The following GAS1 variants were observed in gnomAD, a reference collection of about 807,000 sequenced individuals.
GAS1 encodes the protein growth arrest-specific protein 1.
A neutral mutation model predicts 21.6 loss-of-function variants in GAS1; 10 were observed. The ratio of observed to expected loss-of-function variants is 0.46; its 90% CI spans 0.29 to 0.79. The LOEUF (loss-of-function observed/expected upper bound fraction) is 0.79. GAS1 is among the 30% of genes least tolerant of loss of function. The pLI, the probability that GAS1 is intolerant of heterozygous loss-of-function variation, is 0.10. For missense variants in GAS1, 567 were observed against 544.3 expected, an observed-to-expected ratio of 1.04 and a Z score of -0.42; for synonymous variants, 332 against 264.0, an observed-to-expected ratio of 1.26 and a Z score of -2.50.
chr9:86,946,538 C>A lies in GAS1; in HGVS notation c.242G>T (p.Gly81Val). 2 of 1,409,972 alleles carry A rather than the reference C, an allele frequency of 1.4e-6. No homozygotes were observed. The highest frequency in any genetic ancestry group is 1.8e-6 in the Non-Finnish European group (2 of 1,085,676). 87.3% of individuals were successfully genotyped at this position (1,409,972 alleles called of 1,614,324 possible). A position where few individuals can be genotyped will look rare whatever the true frequency, so the allele number is the denominator to read the frequency against. The change falls in exon 1 of 1, where the codon GGG becomes GTG. Residue 81 changes from glycine (G) to valine (V), a missense_variant. Transcript: ENST00000298743. The surrounding 1 kb of genome is among the most constrained non-coding windows in gnomAD (Gnocchi z 5.2). ...GGCGGCGGCCCCGGGCGCGTCGCCC[C>A]CGCCGTGCTGCGCCAGCACCGGCGC... The part of the protein sequence containing the change: ...ACAPVLAQHG[G>V]GDAPGAAAAA...
At position 86,945,917 on chromosome 9, in the gene GAS1, T is replaced by C. The variant is rs1472763904; in HGVS notation, c.863A>G (p.Asp288Gly). ...CGGGCGCGGTGGGTGCGGGACGCCG[T>C]CGTCGTCGTCCAGCGGCTGCTCACC... Reference protein sequence around the residue: ...AGGEQPLDDDDGVPHPPRPGS... With the variant: ...AGGEQPLDDDGGVPHPPRPGS... Residue 288 changes from aspartate (D) to glycine (G), a missense_variant, in exon 1 of 1, where the codon GAC becomes GGC. Transcript: ENST00000298743. 1.5e-5 allele frequency: 24 copies of C among 1,561,446 alleles called. No individual in the cohort carries two copies. Among genetic ancestry groups the C allele is most frequent in the Admixed American group, 3.7e-5 (2 of 53,910 alleles).
rs1825497777 is a variant in GAS1, at chr9:86,946,610, C to G, written c.170G>C (p.Gly57Ala). The G allele has an allele frequency of 2.1e-6, 3 of 1,451,538 alleles. No homozygotes were observed. The highest frequency in any genetic ancestry group is 9.1e-7 in the Non-Finnish European group (1 of 1,104,580). The allele number at this position is 1,451,538 out of a possible 1,614,324, so 89.9% of individuals were successfully genotyped here. A position where few individuals can be genotyped will look rare whatever the true frequency, so the allele number is the denominator to read the frequency against. Residue 57 changes from glycine (G) to alanine (A), a missense_variant, in exon 1 of 1, where the codon GGG (glycine) becomes GCG (alanine). By Grantham distance (60) the Gly-to-Ala change is moderately conservative. Transcript: ENST00000298743. The surrounding 1 kb of genome is among the most constrained non-coding windows in gnomAD (Gnocchi z 5.2). ...ICWQALLQCQ[G>A]EPECSYAYNQ... Reference sequence around the variant, plus strand: ...GTAGGCGTAGCTGCACTCCGGCTCCCCCTGGCACTGCAGCAGCGCCTGCCA... The same window carrying G: ...GTAGGCGTAGCTGCACTCCGGCTCCGCCTGGCACTGCAGCAGCGCCTGCCA...
Position 86,946,734 on chromosome 9 carries a change from T to C in GAS1, c.46A>G (p.Thr16Ala). The C allele has an allele frequency of 2.3e-6, 3 of 1,292,214 alleles. No individual in the cohort carries two copies. Among genetic ancestry groups the C allele is most frequent in the Non-Finnish European group, 3.0e-6 (3 of 999,108 alleles). 80.0% of individuals were successfully genotyped at this position (1,292,214 alleles called of 1,614,324 possible). A position where few individuals can be genotyped will look rare whatever the true frequency, so the allele number is the denominator to read the frequency against. The change falls in exon 1 of 1, where the codon ACA (threonine) becomes GCA (alanine). Residue 16 changes from threonine to alanine, a missense_variant. Transcript: ENST00000298743. The surrounding 1 kb of genome is among the most constrained non-coding windows in gnomAD (Gnocchi z 5.2). ...LGGGGEARGG[T>A]VPGAWLCLMA... ...AGGCACAGCCAGGCGCCCGGCACTG[T>C]CCCCCCGCGGGCCTCGCCGCCGCCG...
Position 86,945,794 on chromosome 9 carries a change from G to T in GAS1, c.986C>A (p.Ala329Asp). Reference sequence around the variant, plus strand: ...CAAGATGGAGGCGAGTGGGGTCCAGGCGCCCCGGGGCGCCAAGCGGCCGCC... The same window carrying T: ...CAAGATGGAGGCGAGTGGGGTCCAGTCGCCCCGGGGCGCCAAGCGGCCGCC... ...GGGGRLAPRG[A>D]WTPLASILLL... Residue 329 changes from alanine to aspartate, a missense_variant, in exon 1 of 1, where the codon GCC becomes GAC. Ala to Asp is a moderately radical substitution (Grantham distance 126). Coordinates refer to ENST00000298743, the MANE Select transcript of GAS1 (RefSeq NM_002048.3). 1.3e-6 allele frequency: 2 copies of T among 1,517,418 alleles called. No individual in the cohort carries two copies. Among genetic ancestry groups the T allele is most frequent in the Non-Finnish European group, 1.8e-6 (2 of 1,133,530 alleles). The allele number at this position is 1,517,418 out of a possible 1,614,324, so 94.0% of individuals were successfully genotyped here. A position where few individuals can be genotyped will look rare whatever the true frequency, so the allele number is the denominator to read the frequency against.
chr9:86,944,749 A>G lies in GAS1; in HGVS notation c.*993T>C, dbSNP rs1322605379. The G allele has an allele frequency of 6.6e-6, 1 of 152,196 alleles. No homozygotes were observed. The highest frequency in any genetic ancestry group is 1.5e-5 in the Non-Finnish European group (1 of 68,042). 9.4% of individuals were successfully genotyped at this position (152,196 alleles called of 1,614,324 possible). Reference sequence around the variant, plus strand: ...AAAATAAATTATTTCTGAAGCATACAATTTATAAAAATTCTATATACAAAG... The same window carrying G: ...AAAATAAATTATTTCTGAAGCATACGATTTATAAAAATTCTATATACAAAG... On this transcript the variant is annotated 3_prime_UTR_variant, in exon 1 of 1. Transcript: ENST00000298743.
chr9:86,946,499 G>A lies in GAS1; in HGVS notation c.281C>T (p.Ala94Val), dbSNP rs888648250. 1 of 1,443,952 alleles carries A rather than the reference G, an allele frequency of 6.9e-7. No individual in the cohort carries two copies. Among genetic ancestry groups the A allele is most frequent in the Non-Finnish European group, 9.1e-7 (1 of 1,099,940 alleles). 89.4% of individuals were successfully genotyped at this position (1,443,952 alleles called of 1,614,324 possible). A position where few individuals can be genotyped will look rare whatever the true frequency, so the allele number is the denominator to read the frequency against. The change falls in exon 1 of 1, where the codon GCC becomes GTC. Residue 94 changes from alanine to valine, a missense_variant. Ala to Val is a moderately conservative substitution (Grantham distance 64). Transcript: ENST00000298743. The surrounding 1 kb of genome is among the most constrained non-coding windows in gnomAD (Gnocchi z 5.2). ...APGAAAAAFP[A>V]SAASFSSRWR... ...GCGCGACGAGAAAGAGGCGGCCGAG[G>A]CCGGGAAAGCGGCGGCGGCGGCCCC...
Position 86,946,039 on chromosome 9 carries a change from C to T in GAS1, c.741G>A (p.Glu247=), listed in dbSNP as rs150545553. Residue 247 remains glutamate, a synonymous_variant, in exon 1 of 1, where the codon GAG becomes GAA. Coordinates refer to ENST00000298743, the MANE Select transcript of GAS1 (RefSeq NM_002048.3). This position sits in a 1 kb window ranked among gnomAD's most constrained non-coding sequence, Gnocchi z 5.2. ...ENMARLCFGA[E]LGNGPGSSGS... is the part of the protein sequence containing the mutation. Reference sequence around the variant, plus strand: ...CGCTGCTGCCGGGGCCGTTGCCCAGCTCGGCGCCGAAGCACAGGCGGGCCA... The same window carrying T: ...CGCTGCTGCCGGGGCCGTTGCCCAGTTCGGCGCCGAAGCACAGGCGGGCCA... 4.4e-3 allele frequency: 7,150 copies of T among 1,607,774 alleles called. 28 individuals are homozygous for T. The highest frequency in any genetic ancestry group is 4.7e-3 in the Non-Finnish European group (5,599 of 1,179,454).
Position 86,946,327 on chromosome 9 carries a change from G to T in GAS1, c.453C>A (p.Ser151Arg). ...RAIEPCLPRT[S>R]GGGAGGPGAG... Reference sequence around the variant, plus strand: ...CGCCGGGGCCGCCCGCGCCGCCGCCGCTCGTCCGGGGCAGGCACGGCTCAA... The same window carrying T: ...CGCCGGGGCCGCCCGCGCCGCCGCCTCTCGTCCGGGGCAGGCACGGCTCAA... Residue 151 changes from serine to arginine, a missense_variant, in exon 1 of 1, where the codon AGC becomes AGA. Ser to Arg is a moderately radical substitution (Grantham distance 110). Coordinates refer to ENST00000298743, the MANE Select transcript of GAS1 (RefSeq NM_002048.3). The surrounding 1 kb of genome is among the most constrained non-coding windows in gnomAD (Gnocchi z 5.2). 1 of 1,416,394 alleles carries T rather than the reference G, an allele frequency of 7.1e-7. No individual in the cohort carries two copies. The allele number at this position is 1,416,394 out of a possible 1,614,324, so 87.7% of individuals were successfully genotyped here. A position where few individuals can be genotyped will look rare whatever the true frequency, so the allele number is the denominator to read the frequency against.
Position 86,946,768 on chromosome 9 carries a change from C to T in GAS1, c.12G>A (p.Ala4=). 1.8e-6 allele frequency: 2 copies of T among 1,088,052 alleles called. No homozygotes were observed. The highest frequency in any genetic ancestry group is 2.4e-6 in the Non-Finnish European group (2 of 823,418). The allele number at this position is 1,088,052 out of a possible 1,614,324, so 67.4% of individuals were successfully genotyped here. A position where few individuals can be genotyped will look rare whatever the true frequency, so the allele number is the denominator to read the frequency against. Residue 4 remains alanine, a synonymous_variant, in exon 1 of 1, where the codon GCG becomes GCA. Transcript: ENST00000298743. The surrounding 1 kb of genome is among the most constrained non-coding windows in gnomAD (Gnocchi z 5.2). ...GGGCCTCGCCGCCGCCGCCCAGCAG[C>T]GCGGCCACCATCGCGGGCAGCGGCG... MVA[A]LLGGGGEARG... is the part of the protein sequence containing the mutation.
At position 86,946,078 on chromosome 9, in the gene GAS1, C is replaced by T. The variant is rs1359042760; in HGVS notation, c.702G>A (p.Ser234=). 1.2e-6 allele frequency: 2 copies of T among 1,607,712 alleles called. No individual in the cohort carries two copies. The highest frequency in any genetic ancestry group is 1.7e-6 in the Non-Finnish European group (2 of 1,179,576). ...ACAGGCGGGCCATGTTCTCCTTGAC[C>T]GACTCGCAGATGGGCCGCTCGAGGC... is the stretch of plus-strand genomic sequence containing the variant. ...CDGLERPICE[S]VKENMARLCF... is the part of the protein sequence containing the mutation. The change falls in exon 1 of 1, where the codon TCG becomes TCA. Residue 234 remains serine (S), a synonymous_variant. Coordinates refer to ENST00000298743, the MANE Select transcript of GAS1 (RefSeq NM_002048.3). This position sits in a 1 kb window ranked among gnomAD's most constrained non-coding sequence, Gnocchi z 5.2.
In GAS1 at chr9:86,946,178, T is replaced by A. The variant is rs994346671; in HGVS notation, c.602A>T (p.Asp201Val). The A allele has an allele frequency of 1.9e-6, 3 of 1,606,310 alleles. No individual in the cohort carries two copies. The African/African-American group carries it at 4.0e-5, about 21-fold the overall frequency. Reference protein sequence around the residue: ...GKVFNGLRCTDECRTVIEDML... With the variant: ...GKVFNGLRCTVECRTVIEDML... The stretch of plus-strand genomic sequence containing the variant: ...GTCCTCAATGACGGTGCGGCATTCG[T>A]CCGTGCAGCGCAGCCCGTTGAAGAC... The change falls in exon 1 of 1, where the codon GAC becomes GTC. Residue 201 changes from aspartate to valine, a missense_variant. Asp to Val is a radical substitution (Grantham distance 152). Coordinates refer to ENST00000298743, the MANE Select transcript of GAS1 (RefSeq NM_002048.3). The surrounding 1 kb of genome is among the most constrained non-coding windows in gnomAD (Gnocchi z 5.2).
chr9:86,944,409 A>C lies in GAS1; in HGVS notation c.*1333T>G, dbSNP rs1411992882. Reference sequence around the variant, plus strand: ...TGATGTACATGTTTTAATAAAACAAATAACCAAAAAAAATACACAAATCCA... The same window carrying C: ...TGATGTACATGTTTTAATAAAACAACTAACCAAAAAAAATACACAAATCCA... On this transcript the variant is annotated 3_prime_UTR_variant, in exon 1 of 1. Transcript: ENST00000298743. 2.0e-5 allele frequency: 3 copies of C among 152,222 alleles called. No homozygotes were observed. The highest frequency in any genetic ancestry group is 6.5e-5 in the Admixed American group (1 of 15,286). 9.4% of individuals were successfully genotyped at this position (152,222 alleles called of 1,614,324 possible).
chr9:86,946,126 C>T lies in GAS1; in HGVS notation c.654G>A (p.Leu218=). The part of the protein sequence containing the change: ...EDMLAMPKAA[L]LNDCVCDGLE... Reference sequence around the variant, plus strand: ...GGCCGTCGCACACGCAGTCGTTGAGCAGCGCCGCCTTGGGCATAGCCAGCA... The same window carrying T: ...GGCCGTCGCACACGCAGTCGTTGAGTAGCGCCGCCTTGGGCATAGCCAGCA... The change falls in exon 1 of 1, where the codon CTG becomes CTA. Residue 218 remains leucine (L), a synonymous_variant. Transcript: ENST00000298743. This position sits in a 1 kb window ranked among gnomAD's most constrained non-coding sequence, Gnocchi z 5.2. 1 of 1,609,128 alleles carries T rather than the reference C, an allele frequency of 6.2e-7. No homozygotes were observed. The highest frequency in any genetic ancestry group is 8.5e-7 in the Non-Finnish European group (1 of 1,179,674).
chr9:86,947,093 G>T lies in GAS1; in HGVS notation c.-314C>A, dbSNP rs1007459037. 1.3e-4 allele frequency: 28 copies of T among 214,174 alleles called. No homozygotes were observed. The highest frequency in any genetic ancestry group is 2.6e-4 in the Non-Finnish European group (27 of 102,444). The allele number at this position is 214,174 out of a possible 1,614,324, so 13.3% of individuals were successfully genotyped here. A position where few individuals can be genotyped will look rare whatever the true frequency, so the allele number is the denominator to read the frequency against. ...GCCCCGGGGGGGTGCGGGCCGCGGG[G>T]CCGTGGCGGGGCTGCAGGACCGCGC... On this transcript the variant is annotated 5_prime_UTR_variant, in exon 1 of 1. Coordinates refer to ENST00000298743, the MANE Select transcript of GAS1 (RefSeq NM_002048.3).
In GAS1 at chr9:86,947,344, G is replaced by A. The variant is rs1336101470; in HGVS notation, c.-565C>T. Among the ~76,000 whole-genome samples the A allele has an allele frequency of 6.6e-6, 1 of 151,614 alleles. No homozygotes were observed. Among genetic ancestry groups the A allele is most frequent in the African/African-American group, 2.4e-5 (1 of 41,344 alleles). ...GCCGCCCCGCGTCCCCTCCCCCTCC[G>A]CCCGCGGCAACCCCGGCCTCCGCAG... On this transcript the variant is annotated 5_prime_UTR_variant, in exon 1 of 1. Coordinates refer to ENST00000298743, the MANE Select transcript of GAS1 (RefSeq NM_002048.3).
rs1417424036 is a variant in GAS1, at chr9:86,946,477, C to T, written c.303G>A (p.Ser101=). The T allele has an allele frequency of 1.4e-6, 2 of 1,463,032 alleles. No homozygotes were observed. Among genetic ancestry groups the T allele is most frequent in the East Asian group, 5.9e-5 (2 of 33,688 alleles). The allele number at this position is 1,463,032 out of a possible 1,614,324, so 90.6% of individuals were successfully genotyped here. A position where few individuals can be genotyped will look rare whatever the true frequency, so the allele number is the denominator to read the frequency against. ...AFPASAASFS[S]RWRCPSHCIS... ...TGCAGTGACTCGGGCAGCGCCAGCG[C>T]GACGAGAAAGAGGCGGCCGAGGCCG... The change falls in exon 1 of 1, where the codon TCG becomes TCA. Residue 101 remains serine, a synonymous_variant. Coordinates refer to ENST00000298743, the MANE Select transcript of GAS1 (RefSeq NM_002048.3). This position sits in a 1 kb window ranked among gnomAD's most constrained non-coding sequence, Gnocchi z 5.2.
Position 86,945,621 on chromosome 9 carries a change from G to T in GAS1, c.*121C>A. The T allele has an allele frequency of 1.6e-4, 151 of 937,526 alleles. No homozygotes were observed. The highest frequency in any genetic ancestry group is 5.4e-4 in the East Asian group (14 of 26,004). 58.1% of individuals were successfully genotyped at this position (937,526 alleles called of 1,614,324 possible). ...ACCAAGTTGACTTGGAAAAAGTTTT[G>T]GGAAGTATCCCCAACCATCCCTTCT... On this transcript the variant is annotated 3_prime_UTR_variant, in exon 1 of 1. Coordinates refer to ENST00000298743, the MANE Select transcript of GAS1 (RefSeq NM_002048.3).
chr9:86,946,712 C>T lies in GAS1; in HGVS notation c.68G>A (p.Cys23Tyr). 7.2e-7 allele frequency: 1 copy of T among 1,389,546 alleles called. No individual in the cohort carries two copies. The highest frequency in any genetic ancestry group is 9.4e-7 in the Non-Finnish European group (1 of 1,065,878). 86.1% of individuals were successfully genotyped at this position (1,389,546 alleles called of 1,614,324 possible). A position where few individuals can be genotyped will look rare whatever the true frequency, so the allele number is the denominator to read the frequency against. Reference sequence around the variant, plus strand: ...CAGCAGCTGCAGCAGCGCCATCAGGCACAGCCAGGCGCCCGGCACTGTCCC... The same window carrying T: ...CAGCAGCTGCAGCAGCGCCATCAGGTACAGCCAGGCGCCCGGCACTGTCCC... ...RGGTVPGAWL[C>Y]LMALLQLLGS... Residue 23 changes from cysteine (C) to tyrosine (Y), a missense_variant, in exon 1 of 1, where the codon TGC becomes TAC. Physicochemically the swap from Cys to Tyr is radical, Grantham distance 194. Coordinates refer to ENST00000298743, the MANE Select transcript of GAS1 (RefSeq NM_002048.3). This position sits in a 1 kb window ranked among gnomAD's most constrained non-coding sequence, Gnocchi z 5.2.
Position 86,946,580 on chromosome 9 carries a change from TG to T in GAS1, c.199del (p.Gln67SerfsTer117). ...GEPECSYAYN[Q>X]YAEACAPVLA... ...CACCGGCGCGCACGCCTCGGCGTAC[TG>T]GTTGTAGGCGTAGCTGCACTCCGGC... On this transcript the variant is annotated frameshift_variant, in exon 1 of 1. Transcript: ENST00000298743. LOFTEE classifies it high-confidence loss of function. The surrounding 1 kb of genome is among the most constrained non-coding windows in gnomAD (Gnocchi z 5.2). The T allele has an allele frequency of 7.0e-7, 1 of 1,420,142 alleles. No homozygotes were observed. The highest frequency in any genetic ancestry group is 2.5e-4 in the Middle Eastern group (1 of 3,998). The allele number at this position is 1,420,142 out of a possible 1,614,324, so 88.0% of individuals were successfully genotyped here.
Sources: gnomAD v4.1 joint callset for allele counts (sites outside exome capture counted in the v4.1 genomes callset) on GRCh38, gnomAD v4.1.1 for gene constraint, Gnocchi (gnomAD v3.1) non-coding constraint, MANE v1.5 for transcripts, NCBI Gene and HGNC (gene_info 2026-07-23, HGNC 2026-07-21) for gene names.